XKRX: variants seen among roughly 807,000 people sequenced by gnomAD.
XKRX encodes XK-related protein 2.
Under a neutral mutation model 22.4 loss-of-function variants are expected in XKRX, and 11 were observed. That is an observed-to-expected ratio of 0.49 (90% CI 0.31 to 0.81). The LOEUF (loss-of-function observed/expected upper bound fraction) is 0.81. XKRX is among the 40% of genes least tolerant of loss of function. The pLI is 0.05. For missense variants in XKRX, 320 were observed against 336.5 expected (o/e 0.95, Z 0.38); for synonymous variants, 114 against 132.2 (o/e 0.86, Z 0.94).
the XKRX span, among the ~76,000 whole-genome samples, chrX:100,952,336 G>C: frequency 0.021 from 2,286 of 109,585 alleles, 69 homozygotes; most frequent in African/African-American, 0.072. Context: ...CAAAAAACTA[G>C]AGCTAACATC....
chrX:100,890,535 C>T, the XKRX span, among the ~76,000 whole-genome samples: 2 of 110,639 alleles, frequency 1.8e-5, no homozygotes. Flanking sequence ...AAAAAATCCA[C>T]ATGAAATAGT....
chrX:100,928,217 G>A lies in XKRX; in HGVS notation c.88C>T (p.Arg30Ter). The change falls in exon 1 of 3, where the codon CGA (arginine) becomes TGA (stop). Residue 30 changes from arginine (R) to a stop codon, truncating the protein, a stop_gained. Coordinates refer to ENST00000372956, the MANE Select transcript of XKRX (RefSeq NM_212559.3). LOFTEE classifies it high-confidence loss of function. Reference protein sequence around the residue: ...EEDVIRGANPRFTFPFSILFS... With the variant: ...EEDVIRGANP ...AGGATGCTAAATGGAAAAGTAAATC[G>A]GGGGTTGGCTCCACGGATGACATCT... The A allele has an allele frequency of 2.5e-6, 3 of 1,211,901 alleles. No homozygotes were observed. Among genetic ancestry groups the A allele is most frequent in the South Asian group, 1.8e-5 (1 of 56,989 alleles).
the XKRX span, among the ~76,000 whole-genome samples, chrX:100,949,620 G>A: frequency 1.1e-4 from 12 of 110,771 alleles, no homozygotes; most frequent in South Asian, 4.6e-3. Context: ...TGCCCACCTC[G>A]GCCTCCCAAA....
At chrX:100,938,337 CTG>C in the XKRX span, among the ~76,000 whole-genome samples, 7 of 111,586 alleles carry the variant, frequency 6.3e-5, no homozygotes, top group Non-Finnish European at 9.4e-5. Context: ...GAGTAAAAAA[CTG>C]TGGGATTGGC....
rs1388340677 is a variant in XKRX, at chrX:100,922,844, T to C, written c.553A>G (p.Thr185Ala). Residue 185 changes from threonine to alanine, a missense_variant, in exon 2 of 3, where the codon ACC becomes GCC. By Grantham distance (58) the Thr-to-Ala change is moderately conservative. Transcript: ENST00000372956. ...ATCAGGCTCACATAGAGCTGATAGGTCAGCTGGGGCACTGAGCCCAGGAAG... is the reference window on the plus strand; with the variant it reads ...ATCAGGCTCACATAGAGCTGATAGGCCAGCTGGGGCACTGAGCCCAGGAAG... ...QAFLGSVPQL[T>A]YQLYVSLISA... 1 of 1,211,187 alleles carries C rather than the reference T, an allele frequency of 8.3e-7. No individual in the cohort carries two copies. The highest frequency in any genetic ancestry group is 1.8e-5 in the South Asian group (1 of 56,927).
chrX:100,931,700 A>G (rs573844751), upstream of XKRX, among the ~76,000 whole-genome samples: 4 of 111,613 alleles, frequency 3.6e-5, no homozygotes, highest in South Asian at 1.5e-3. Context: ...TTATTGTGGC[A>G]CTTGTTGATG....
At chrX:100,923,982 A>G (rs2085487129) in intron 1 of XKRX, among the ~76,000 whole-genome samples, 1 of 99,278 alleles carries the variant, frequency 1.0e-5, no homozygotes, top group Non-Finnish European at 2.0e-5. Context: ...GATTACAGGC[A>G]TGTGCCACCA....
the XKRX span, among the ~76,000 whole-genome samples, chrX:100,936,188 T>C: frequency 3.6e-5 from 4 of 111,306 alleles, no homozygotes; most frequent in African/African-American, 1.3e-4. Context: ...GACAAAAACA[T>C]TCAATCACAA....
At chrX:100,943,528 C>T in the XKRX span, among the ~76,000 whole-genome samples, 9 of 111,222 alleles carry the variant, frequency 8.1e-5, no homozygotes, top group African/African-American at 9.8e-5. Context: ...CTCAGCCTCC[C>T]GAGTAGCTGG....
the XKRX span, among the ~76,000 whole-genome samples, chrX:100,892,076 A>T: frequency 3.6e-5 from 4 of 112,106 alleles, no homozygotes; most frequent in African/African-American, 1.3e-4. Context: ...AGCAAAGGAA[A>T]TAATCAACAA....
At chrX:100,956,717 G>A in the XKRX span, 3 of 554,885 alleles carry the variant, frequency 5.4e-6, no homozygotes, top group East Asian at 9.9e-5. Context: ...GACATCATTA[G>A]ATCAATTATT....
the XKRX span, among the ~76,000 whole-genome samples, chrX:100,900,788 CTTTT>C: frequency 1.0e-4 from 9 of 89,271 alleles, no homozygotes; most frequent in African/African-American, 3.8e-4. Context: ...TCACAATCTC[CTTTT>C]TTTTTTTTTT....
chrX:100,926,540 T>C (rs907662913), intron 1 of XKRX, among the ~76,000 whole-genome samples: 2 of 112,340 alleles, frequency 1.8e-5, no homozygotes, highest in African/African-American at 6.5e-5. Context: ...TTTAGTTGTC[T>C]AATGATGAGG....
chrX:100,933,095 G>A (rs758594521), upstream of XKRX, among the ~76,000 whole-genome samples: 21 of 109,465 alleles, frequency 1.9e-4, no homozygotes, highest in Non-Finnish European at 3.4e-4. Context: ...GCTTGAGCCC[G>A]GGAGGTTGAA....
At chrX:100,953,301 A>AAAAC in the XKRX span, among the ~76,000 whole-genome samples, 9 of 111,204 alleles carry the variant, frequency 8.1e-5, no homozygotes, top group Admixed American at 1.9e-4. Flanking sequence ...AAACAAAAAC[A>AAAAC]AAACAAACAA....
chrX:100,956,779 A>T, the XKRX span: 2,551 of 559,567 alleles, frequency 4.6e-3, 14 homozygotes, highest in Non-Finnish European at 4.6e-3. Flanking sequence ...TGTACAGTTT[A>T]TGCAGAACTT....
intron 1 of XKRX, 65 bp downstream of exon 1, chrX:100,927,905 A>T: frequency 4.5e-6 from 5 of 1,118,755 alleles, no homozygotes; most frequent in Non-Finnish European, 5.9e-6. Flanking sequence ...TAAATCTTTC[A>T]TCTTTCTCTG....
chrX:100,910,608 C>T (rs766052566), downstream of XKRX: 2 of 211,471 alleles, frequency 9.5e-6, no homozygotes, highest in South Asian at 3.6e-4. Context: ...AAAAAGATTT[C>T]AGAGAGGACT....
At chrX:100,911,518 G>T (rs1169139578), downstream of XKRX, 1 of 644,402 alleles carries the variant, frequency 1.6e-6, no homozygotes, top group African/African-American at 2.1e-5. Context: ...AATTATTGAG[G>T]ACTACAAACC....
Sources: allele counts gnomAD v4.1 joint callset (sites outside exome capture counted in the v4.1 genomes callset), GRCh38; gene constraint gnomAD v4.1.1; transcripts MANE v1.5; gene names NCBI Gene and HGNC (gene_info 2026-07-23, HGNC 2026-07-21).